Variants in TLK2 observed in about 807,000 individuals in gnomAD.
TLK2 encodes tousled like kinase 2.
In TLK2, 6 loss-of-function variants were observed where a neutral mutation model predicts 117.3. That is an observed-to-expected ratio of 0.05 (90% CI 0.03 to 0.10). The LOEUF is 0.10. Ranked by LOEUF, TLK2 falls within the 10% of genes least tolerant of loss-of-function variation. The probability of loss-of-function intolerance (pLI) is 1.00; values close to 1 mark genes in which losing one functional copy is unlikely to be tolerated. For synonymous variants in TLK2, 257 were observed against 316.7 expected (o/e 0.81, Z 2.00); for missense variants, 299 against 901.2 (o/e 0.33, Z 8.56).
chr17:62,542,693 A>C (rs1245864409), intron 7 of TLK2, among the ~76,000 whole-genome samples: 2 of 152,196 alleles, frequency 1.3e-5, no homozygotes, highest in Non-Finnish European at 2.9e-5. Context: ...AGAGACATTG[A>C]ATTAGTTTAG....
At chr17:62,589,932 G>T (rs2081946970) in intron 16 of TLK2, among the ~76,000 whole-genome samples, 1 of 151,262 alleles carries the variant, frequency 6.6e-6, no homozygotes, top group Non-Finnish European at 1.5e-5. Context: ...TCAGCCTCCC[G>T]AGTAGCTGGG....
At chr17:62,603,409 G>A (rs990537317) in intron 19 of TLK2, among the ~76,000 whole-genome samples, 1 of 152,286 alleles carries the variant, frequency 6.6e-6, no homozygotes, top group East Asian at 1.9e-4. Flanking sequence ...GTTATTGTGG[G>A]CTAGTGTTCC....
rs1299095744 is a variant in TLK2, at chr17:62,522,099, C to A, written c.154-105C>A. 4 of 1,188,992 alleles carry A rather than the reference C, an allele frequency of 3.4e-6. No individual in the cohort carries two copies. The African/African-American group carries it at 6.2e-5, about 18-fold the overall frequency. The allele number at this position is 1,188,992 out of a possible 1,614,324, so 73.7% of individuals were successfully genotyped here. A position where few individuals can be genotyped will look rare whatever the true frequency, so the allele number is the denominator to read the frequency against. Reference sequence around the variant, plus strand: ...ACAGTGATTCAGGACTTGTCTGGGCCAGTTATATCTGTTTATATATTCAAT... The same window carrying A: ...ACAGTGATTCAGGACTTGTCTGGGCAAGTTATATCTGTTTATATATTCAAT... On this transcript the variant is annotated intron_variant, in intron 3 of 21. Transcript: ENST00000346027.
chr17:62,489,860 G>A (rs895847707), intron 2 of TLK2, among the ~76,000 whole-genome samples: 25 of 151,926 alleles, frequency 1.6e-4, no homozygotes, highest in African/African-American at 6.0e-4. Context: ...TTTTGAGATG[G>A]AGTCAACTTG....
At chr17:62,597,084 G>A (rs2082533431) in intron 17 of TLK2, 1 of 156,302 alleles carries the variant, frequency 6.4e-6, no homozygotes, top group Non-Finnish European at 1.4e-5. Flanking sequence ...CATATTCATA[G>A]ATACATGCAA....
In TLK2 at chr17:62,588,147, G is replaced by A. The variant is rs559423891; in HGVS notation, c.1460+1921G>A. On this transcript the variant is annotated intron_variant, in intron 16 of 21. Coordinates refer to ENST00000346027, the MANE Select transcript of TLK2 (RefSeq NM_006852.6). The stretch of plus-strand genomic sequence containing the variant: ...ACATCTGTATATGTATAAAATATAC[G>A]TATACATCTATACATATACATATTT... Among the ~76,000 whole-genome samples, 424 of 149,054 alleles carry A rather than the reference G, an allele frequency of 2.8e-3. 1 individual carries two copies. The highest frequency in any genetic ancestry group is 5.1e-3 in the Non-Finnish European group (345 of 67,152).
upstream of TLK2, among the ~76,000 whole-genome samples, chr17:62,478,719 C>G (rs1429814747): frequency 9.1e-6 from 1 of 110,256 alleles, no homozygotes; most frequent in African/African-American, 3.1e-5. Context: ...TCCCCCTGCT[C>G]CCCCACTGTC....
intron 2 of TLK2, among the ~76,000 whole-genome samples, chr17:62,499,340 A>G (rs1445031546): frequency 1.4e-5 from 2 of 145,814 alleles, no homozygotes; most frequent in African/African-American, 2.5e-5. Context: ...TCTCACAAAC[A>G]AAAAAAAAAG....
At chr17:62,594,797 CACACACACACA>C (rs2082338091) in intron 16 of TLK2, among the ~76,000 whole-genome samples, 1 of 41,438 alleles carries the variant, frequency 2.4e-5, no homozygotes, top group Non-Finnish European at 7.6e-5. Flanking sequence ...GGTACACACA[CACACACACACA>C]CACACACACA....
chr17:62,534,260 A>C (rs543267717), intron 6 of TLK2, among the ~76,000 whole-genome samples: 16 of 152,346 alleles, frequency 1.1e-4, no homozygotes, highest in African/African-American at 3.8e-4. Flanking sequence ...ATACCACCAT[A>C]AGACTACCCC....
chr17:62,486,591 C>A lies in TLK2; in HGVS notation c.81+5385C>A, dbSNP rs8068405. Among the ~76,000 whole-genome samples, 227 of 152,294 alleles carry A rather than the reference C, an allele frequency of 1.5e-3. 1 individual carries two copies. The highest frequency in any genetic ancestry group is 5.1e-3 in the African/African-American group (213 of 41,554). Reference sequence around the variant, plus strand: ...TGCAGTTTATATTTCACACCCTGCTCCCTTTTGACAGTTTAAGTACAGATA... The same window carrying A: ...TGCAGTTTATATTTCACACCCTGCTACCTTTTGACAGTTTAAGTACAGATA... On this transcript the variant is annotated intron_variant, in intron 2 of 21. Transcript: ENST00000346027.
intron 1 of TLK2, among the ~76,000 whole-genome samples, chr17:62,480,643 G>T (rs977184981): frequency 3.3e-5 from 5 of 152,174 alleles, no homozygotes; most frequent in Non-Finnish European, 7.3e-5. Context: ...GCAGTTATTT[G>T]TAGCTTCTGA....
intron 17 of TLK2, 184 bp from the exon 18 acceptor site, chr17:62,600,467 A>G: frequency 3.7e-6 from 2 of 534,054 alleles, no homozygotes; most frequent in Non-Finnish European, 6.4e-6. Context: ...CTTCAAGAGA[A>G]TAAGCAGTTT....
chr17:62,499,882 TGTGAA>T (rs1002146515), intron 2 of TLK2, among the ~76,000 whole-genome samples: 6 of 151,858 alleles, frequency 4.0e-5, no homozygotes, highest in Non-Finnish European at 7.4e-5. Context: ...AATTATTTGT[TGTGAA>T]AAACTTATTT....
chr17:62,481,886 A>T (rs1165350963), intron 2 of TLK2, among the ~76,000 whole-genome samples: 1 of 152,192 alleles, frequency 6.6e-6, no homozygotes, highest in Non-Finnish European at 1.5e-5. Flanking sequence ...TATTTTATTT[A>T]AAAGCTTTAT....
intron 16 of TLK2, among the ~76,000 whole-genome samples, chr17:62,590,615 C>T (rs1344640189): frequency 6.6e-6 from 1 of 152,152 alleles, no homozygotes; most frequent in Non-Finnish European, 1.5e-5. Flanking sequence ...CCCTCTTAAT[C>T]AGGTGCCACC....
chr17:62,499,915 TTTTA>T (rs972569682), intron 2 of TLK2, among the ~76,000 whole-genome samples: 97 of 152,032 alleles, frequency 6.4e-4, no homozygotes, highest in Non-Finnish European at 9.9e-4. Context: ...TTCTCCAAAG[TTTTA>T]TTTATTTCTA....
At chr17:62,537,571 G>A (rs777437102) in intron 7 of TLK2, among the ~76,000 whole-genome samples, 1 of 152,180 alleles carries the variant, frequency 6.6e-6, no homozygotes, top group Non-Finnish European at 1.5e-5. Context: ...CTGAGTGAGT[G>A]TAGGTGTGTG....
chr17:62,523,438 G>C (rs2076175261), intron 5 of TLK2, among the ~76,000 whole-genome samples: 1 of 152,168 alleles, frequency 6.6e-6, no homozygotes, highest in Non-Finnish European at 1.5e-5. Context: ...AAATTAGCCA[G>C]GTGTGGTGGC....
Sources: allele counts gnomAD v4.1 joint callset (sites outside exome capture counted in the v4.1 genomes callset), GRCh38; gene constraint gnomAD v4.1.1; transcripts MANE v1.5; gene names NCBI Gene and HGNC (gene_info 2026-07-23, HGNC 2026-07-21).